Variants in ELP4 observed in about 807,000 individuals in gnomAD.
ELP4 encodes elongator complex protein 4.
ELP4 carries 51 observed loss-of-function variants against 48.9 expected under a neutral mutation model. The observed-to-expected ratio is 1.04, with a 90% CI of 0.83 to 1.32. The LOEUF is 1.32. Ranked by LOEUF, ELP4 falls within the 40% of genes most tolerant of loss-of-function variation. The pLI is 0.00. For missense variants in ELP4, 519 were observed against 514.6 expected (o/e 1.01, Z -0.08); for synonymous variants, 210 against 189.2 (o/e 1.11, Z -0.90).
chr11:31,752,874 A>G (rs1947757581), intron 9 of ELP4, among the ~76,000 whole-genome samples: 1 of 151,926 alleles, frequency 6.6e-6, no homozygotes, highest in Non-Finnish European at 1.5e-5. Context: ...AACAATACCA[A>G]ACTGTCCATA....
rs1259442441 is a variant in ELP4, at chr11:31,603,857, T to A, written c.603T>A (p.His201Gln). The A allele has an allele frequency of 6.2e-7, 1 of 1,611,960 alleles. No homozygotes were observed. Among genetic ancestry groups the A allele is most frequent in the African/African-American group, 1.3e-5 (1 of 74,988 alleles). Reference sequence around the variant, plus strand: ...AACTAATTGAGGCTTCAAATTGGCATGGATTTTTTCTTCCAGAGAAAATAT... The same window carrying A: ...AACTAATTGAGGCTTCAAATTGGCAAGGATTTTTTCTTCCAGAGAAAATAT... ...PQELIEASNW[H>Q]GFFLPEKISS... Residue 201 changes from histidine (H) to glutamine (Q), a missense_variant, in exon 5 of 10, where the codon CAT (histidine) becomes CAA (glutamine). His to Gln is a conservative substitution (Grantham distance 24, BLOSUM62 0). Transcript: ENST00000640961.
chr11:31,719,936 A>G (rs1946924710), intron 9 of ELP4: 1 of 153,484 alleles, frequency 6.5e-6, no homozygotes. Context: ...AATTTTTCAC[A>G]ATAAAATATT....
At chr11:31,608,400 G>A (rs1276167511) in intron 5 of ELP4, among the ~76,000 whole-genome samples, 1 of 152,100 alleles carries the variant, frequency 6.6e-6, no homozygotes, top group Non-Finnish European at 1.5e-5. Context: ...TAAGAAGACG[G>A]CGTGAGCAGA....
chr11:31,573,689 C>A (rs139911605), intron 3 of ELP4: 14 of 152,066 alleles, frequency 9.2e-5, no homozygotes, highest in African/African-American at 2.7e-4. Flanking sequence ...TTCAAACAAC[C>A]CTTTCTCCAA....
intron 3 of ELP4, among the ~76,000 whole-genome samples, chr11:31,552,520 C>T (rs1234015277): frequency 6.6e-6 from 1 of 152,136 alleles, no homozygotes. Flanking sequence ...TTCAGCCTTT[C>T]CCATCTCAGT....
rs1181453075 is a variant in ELP4, at chr11:31,788,908, T to C, written c.*5384T>C. ...GGAAATAAAATTTGTAACACCACAC[T>C]ATAAGGTTAAAAAGAAAACTGTATA... is the stretch of plus-strand genomic sequence containing the variant. On this transcript the variant is annotated 3_prime_UTR_variant, in exon 10 of 10. Coordinates refer to ENST00000640961, the MANE Select transcript of ELP4 (RefSeq NM_019040.5). The C allele has an allele frequency of 9.9e-6, 2 of 201,250 alleles. No individual in the cohort carries two copies. Among genetic ancestry groups the C allele is most frequent in the Non-Finnish European group, 2.1e-5 (2 of 97,514 alleles). 12.5% of individuals were successfully genotyped at this position (201,250 alleles called of 1,614,324 possible).
Position 31,594,770 on chromosome 11 carries a change from GAACT to G in ELP4, c.383_386del (p.Glu128ValfsTer30). On this transcript the variant is annotated frameshift_variant and splice_region_variant, in exon 4 of 10. Coordinates refer to ENST00000640961, the MANE Select transcript of ELP4 (RefSeq NM_019040.5). LOFTEE classifies it high-confidence loss of function. ...ATTATGTGTCATTTTGTTTTCTTAG[GAACT>G]TCCAGCACCATTACTTGATGATAAA... is the stretch of plus-strand genomic sequence containing the variant. The G allele has an allele frequency of 2.0e-6, 3 of 1,484,454 alleles. No homozygotes were observed. Among genetic ancestry groups the G allele is most frequent in the Non-Finnish European group, 2.7e-6 (3 of 1,123,728 alleles). 92.0% of individuals were successfully genotyped at this position (1,484,454 alleles called of 1,614,324 possible).
At chr11:31,606,225 GTAAT>G (rs1957871650) in intron 5 of ELP4, among the ~76,000 whole-genome samples, 1 of 151,962 alleles carries the variant, frequency 6.6e-6, no homozygotes, top group African/African-American at 2.4e-5. Flanking sequence ...CTTTAAACAT[GTAAT>G]TAAATTAATT....
At chr11:31,708,849 G>A (rs1946685070) in intron 9 of ELP4, among the ~76,000 whole-genome samples, 1 of 152,088 alleles carries the variant, frequency 6.6e-6, no homozygotes, top group African/African-American at 2.4e-5. Flanking sequence ...CACTGTTAGT[G>A]TAACTAATTG....
intron 3 of ELP4, among the ~76,000 whole-genome samples, chr11:31,577,421 C>G (rs1957305212): frequency 6.6e-6 from 1 of 152,038 alleles, no homozygotes; most frequent in Admixed American, 6.6e-5. Context: ...GGAAATTCTC[C>G]CTAACTCATT....
At chr11:31,708,034 C>T (rs1482191366) in intron 9 of ELP4, among the ~76,000 whole-genome samples, 3 of 152,158 alleles carry the variant, frequency 2.0e-5, no homozygotes, top group Admixed American at 2.0e-4. Context: ...TAAGCAGGAG[C>T]ATTATTACAG....
chr11:31,560,992 C>T (rs1957016195), intron 3 of ELP4, among the ~76,000 whole-genome samples: 1 of 152,022 alleles, frequency 6.6e-6, no homozygotes, highest in South Asian at 2.1e-4. Flanking sequence ...CTACCATCTA[C>T]CACCTACATT....
At chr11:31,616,041 G>T (rs996910452) in intron 5 of ELP4, among the ~76,000 whole-genome samples, 1 of 151,928 alleles carries the variant, frequency 6.6e-6, no homozygotes, top group Non-Finnish European at 1.5e-5. Context: ...TCCCCAGTTT[G>T]AAAAGAAGGA....
intron 9 of ELP4, among the ~76,000 whole-genome samples, chr11:31,761,503 A>G (rs1011431845): frequency 1.3e-5 from 2 of 152,218 alleles, no homozygotes; most frequent in Non-Finnish European, 2.9e-5. Flanking sequence ...TTACATATAT[A>G]CCAGTAAGTA....
chr11:31,650,340 G>A lies in ELP4; in HGVS notation c.1143+119G>A, dbSNP rs186858457. 1,003 of 450,774 alleles carry A rather than the reference G, an allele frequency of 2.2e-3. 11 individuals carry two copies. Among genetic ancestry groups the A allele is most frequent in the African/African-American group, 0.019 (944 of 48,974 alleles). 27.9% of individuals were successfully genotyped at this position (450,774 alleles called of 1,614,324 possible). ...TACTTTAATGAAATTCTTAGGACAT[G>A]TTTTATGCTAAGTATTTTTAAGTTC... On this transcript the variant is annotated intron_variant, in intron 9 of 9. Transcript: ENST00000640961.
chr11:31,709,747 T>G (rs1467847054), intron 9 of ELP4, among the ~76,000 whole-genome samples: 1 of 152,206 alleles, frequency 6.6e-6, no homozygotes, highest in Admixed American at 6.5e-5. Context: ...ATACAATAAC[T>G]GGCATATTTT....
chr11:31,692,962 C>G (rs1316507797), intron 9 of ELP4, among the ~76,000 whole-genome samples: 1 of 151,974 alleles, frequency 6.6e-6, no homozygotes, highest in Non-Finnish European at 1.5e-5. Context: ...TTTTATCATC[C>G]CCTACTTAAA....
chr11:31,547,051 C>T (rs1253464740), intron 3 of ELP4, among the ~76,000 whole-genome samples: 1 of 152,120 alleles, frequency 6.6e-6, no homozygotes, highest in African/African-American at 2.4e-5. Flanking sequence ...CCAAAATTGA[C>T]ACCCTAACAT....
chr11:31,676,173 T>C (rs990567059), intron 9 of ELP4, among the ~76,000 whole-genome samples: 1 of 152,176 alleles, frequency 6.6e-6, no homozygotes. Context: ...TTGAACACAG[T>C]AAGCCTCAGG....
Sources: allele counts gnomAD v4.1 joint callset (sites outside exome capture counted in the v4.1 genomes callset), GRCh38; gene constraint gnomAD v4.1.1; transcripts MANE v1.5; gene names NCBI Gene and HGNC (gene_info 2026-07-23, HGNC 2026-07-21).